Variants in ATP7A observed in about 807,000 individuals in gnomAD.
ATP7A encodes the protein ATPase copper transporting alpha.
A neutral mutation model predicts 83.5 loss-of-function variants in ATP7A; 7 were observed. The observed-to-expected ratio is 0.08, with a 90% CI of 0.05 to 0.16. The LOEUF is 0.16. ATP7A is among the 10% of genes least tolerant of loss of function. The pLI, the probability that ATP7A is intolerant of heterozygous loss-of-function variation, is 1.00. For missense variants in ATP7A, 940 were observed against 1,120.8 expected, an observed-to-expected ratio of 0.84 and a Z score of 2.30; for synonymous variants, 354 against 395.2, an observed-to-expected ratio of 0.90 and a Z score of 1.24.
intron 1 of ATP7A, chrX:77,968,750 C>T: frequency 2.1e-6 from 2 of 931,275 alleles, no homozygotes; most frequent in Non-Finnish European, 3.0e-6. Flanking sequence ...CACTGGTCCC[C>T]ATCTGCAGCT....
rs1005954769 is a variant in ATP7A, at chrX:77,987,883, T to A, written c.121-359T>A. Among the ~76,000 whole-genome samples, 3 of 111,942 alleles carry A rather than the reference T, an allele frequency of 2.7e-5. No individual in the cohort carries two copies. The Admixed American group carries it at 2.9e-4, about 11-fold the overall frequency. On this transcript the variant is annotated intron_variant, in intron 2 of 22. Coordinates refer to ENST00000341514, the MANE Select transcript of ATP7A (RefSeq NM_000052.7). Reference sequence around the variant, plus strand: ...TTTTTCTGTAGCTGATCCTGTTTCATGTATAACCTTTTCAGTTGGTAGAGT... The same window carrying A: ...TTTTTCTGTAGCTGATCCTGTTTCAAGTATAACCTTTTCAGTTGGTAGAGT...
At chrX:77,974,735 T>G (rs782052960) in intron 2 of ATP7A, 1 of 295,338 alleles carries the variant, frequency 3.4e-6, no homozygotes, top group Admixed American at 6.2e-5. Flanking sequence ...ATATGGTTTT[T>G]CTCCTTTAGT....
chrX:77,996,573 A>G (rs2077706395), intron 4 of ATP7A, among the ~76,000 whole-genome samples: 1 of 111,415 alleles, frequency 9.0e-6, no homozygotes, highest in Admixed American at 9.6e-5. Flanking sequence ...TGCTTGCCAC[A>G]CTCACAGAGC....
chrX:77,970,974 A>T (rs182721944), intron 1 of ATP7A, among the ~76,000 whole-genome samples: 90 of 112,228 alleles, frequency 8.0e-4, no homozygotes, highest in African/African-American at 2.8e-3. Flanking sequence ...GCAGTTTTAA[A>T]TAGGGTGGTC....
At chrX:78,008,394 C>T (rs1029599070) in intron 6 of ATP7A, among the ~76,000 whole-genome samples, 4 of 111,451 alleles carry the variant, frequency 3.6e-5, no homozygotes, top group African/African-American at 6.5e-5. Flanking sequence ...TATAATTTAA[C>T]GCCCAGCTAA....
chrX:77,915,089 C>T (rs909032887), intron 1 of ATP7A, among the ~76,000 whole-genome samples: 10 of 111,523 alleles, frequency 9.0e-5, no homozygotes, highest in African/African-American at 3.3e-4. Context: ...CCGTGGCAGG[C>T]GGATTGCTTG....
At chrX:78,007,167 A>G (rs1284865913) in intron 6 of ATP7A, among the ~76,000 whole-genome samples, 1 of 111,960 alleles carries the variant, frequency 8.9e-6, no homozygotes, top group South Asian at 3.7e-4. Context: ...ATGCATGTCA[A>G]CACTTGCTAT....
At chrX:77,919,190 G>A (rs2077198991) in intron 1 of ATP7A, among the ~76,000 whole-genome samples, 1 of 111,640 alleles carries the variant, frequency 9.0e-6, no homozygotes, top group Non-Finnish European at 1.9e-5. Context: ...TCAGATGTCT[G>A]GCATCTCAGT....
At chrX:77,965,518 G>A (rs2077499684) in intron 1 of ATP7A, 3 of 275,703 alleles carry the variant, frequency 1.1e-5, no homozygotes, top group Non-Finnish European at 1.4e-5. Context: ...AATAGGTATC[G>A]GAGGTGGAAC....
At chrX:78,010,860 T>C (rs782595551) in intron 7 of ATP7A, among the ~76,000 whole-genome samples, 3 of 111,204 alleles carry the variant, frequency 2.7e-5, no homozygotes, top group East Asian at 5.6e-4. Flanking sequence ...ATTACAGGCA[T>C]GAGCCACCGT....
intron 19 of ATP7A, among the ~76,000 whole-genome samples, chrX:78,041,432 C>T (rs1341126469): frequency 9.2e-6 from 1 of 109,278 alleles, no homozygotes; most frequent in South Asian, 4.1e-4. Flanking sequence ...TACACCACCA[C>T]GCCCGGCTAA....
chrX:78,019,891 G>A (rs951493787), intron 12 of ATP7A, among the ~76,000 whole-genome samples: 10 of 110,943 alleles, frequency 9.0e-5, no homozygotes, highest in Non-Finnish European at 1.9e-4. Flanking sequence ...ACACTAAATC[G>A]AAGTAGTAGC....
chrX:78,023,582 T>C (rs930661918), intron 14 of ATP7A, among the ~76,000 whole-genome samples: 4 of 112,017 alleles, frequency 3.6e-5, no homozygotes, highest in African/African-American at 1.3e-4. Flanking sequence ...CATGTGTTTT[T>C]TTTTATCACT....
intron 1 of ATP7A, among the ~76,000 whole-genome samples, chrX:77,947,602 C>T (rs782152185): frequency 9.2e-6 from 1 of 108,942 alleles, no homozygotes; most frequent in East Asian, 2.8e-4. Context: ...CCACACCTGG[C>T]TAATTTTTGT....
intron 1 of ATP7A, among the ~76,000 whole-genome samples, chrX:77,958,535 C>T (rs1175609118): frequency 9.0e-6 from 1 of 110,935 alleles, no homozygotes; most frequent in African/African-American, 3.3e-5. Flanking sequence ...AGTGTGATGC[C>T]TCCAGCCTTG....
chrX:77,976,118 G>A (rs1329333473), intron 2 of ATP7A, among the ~76,000 whole-genome samples: 2 of 111,924 alleles, frequency 1.8e-5, no homozygotes, highest in Non-Finnish European at 3.8e-5. Flanking sequence ...ACTACCAGGA[G>A]CAGATGTTAA....
chrX:77,970,677 A>G (rs1489278953), intron 1 of ATP7A, among the ~76,000 whole-genome samples: 1 of 111,632 alleles, frequency 9.0e-6, no homozygotes, highest in Non-Finnish European at 1.9e-5. Flanking sequence ...AAAAACAAAA[A>G]CAAAAACAAA....
chrX:78,013,662 A>G (rs1442003066), intron 10 of ATP7A, among the ~76,000 whole-genome samples: 1 of 111,871 alleles, frequency 8.9e-6, no homozygotes, highest in African/African-American at 3.2e-5. Context: ...GATTGTTTCT[A>G]ATTTTTTATT....
chrX:78,037,538 G>C lies in ATP7A; in HGVS notation c.3512-1298G>C, dbSNP rs140347375. Among the ~76,000 whole-genome samples the C allele has an allele frequency of 5.5e-3, 614 of 111,236 alleles. 1 individual carries two copies. The highest frequency in any genetic ancestry group is 0.019 in the African/African-American group (585 of 30,615). On this transcript the variant is annotated intron_variant, in intron 17 of 22. Transcript: ENST00000341514. ...ACCCCAAGGAGTGAGAGTAGATAAA[G>C]GGAAAGAGAGAGTTAAGTACTGAAT... is the stretch of plus-strand genomic sequence containing the variant.
Sources: gnomAD v4.1 joint callset for allele counts (sites outside exome capture counted in the v4.1 genomes callset) on GRCh38, gnomAD v4.1.1 for gene constraint, MANE v1.5 for transcripts, NCBI Gene and HGNC (gene_info 2026-07-23, HGNC 2026-07-21) for gene names.